Variants in SETD9 observed in about 807,000 individuals in gnomAD.
The protein encoded by SETD9 is SET domain containing 9, also known as SET domain-containing protein 9.
SETD9 carries 37 observed loss-of-function variants against 36.4 expected under a neutral mutation model. That is an observed-to-expected ratio of 1.02 (90% CI 0.78 to 1.34). The LOEUF is 1.34. SETD9 is among the 40% of genes most tolerant of loss of function. The pLI is 0.00. For synonymous variants in SETD9, 128 were observed against 132.9 expected, an observed-to-expected ratio of 0.96 and a Z score of 0.26; for missense variants, 323 against 353.2, an observed-to-expected ratio of 0.91 and a Z score of 0.69.
At chr5:56,919,615 A>G (rs1369507349), downstream of SETD9, 1 of 152,634 alleles carries the variant, frequency 6.6e-6, no homozygotes, top group Non-Finnish European at 1.5e-5. Context: ...AGATTCCCAG[A>G]TTTTTATTTC....
intron 1 of SETD9, chr5:56,910,484 G>C (rs1579806033): frequency 9.1e-7 from 1 of 1,100,650 alleles, no homozygotes; most frequent in Non-Finnish European, 1.2e-6. Context: ...CCTGAAGTCA[G>C]TGTCCGACAA....
downstream of SETD9, chr5:56,928,713 T>C (rs1579840840): frequency 7.2e-6 from 9 of 1,251,760 alleles, no homozygotes; most frequent in East Asian, 2.1e-4. Flanking sequence ...TATAAATTAG[T>C]TGCTTACATT....
At chr5:56,910,065 G>T in intron 1 of SETD9, 1 of 1,278,988 alleles carries the variant, frequency 7.8e-7, no homozygotes, top group Non-Finnish European at 1.0e-6. Context: ...GGCCCGCGAG[G>T]CCGAGCTCGC....
chr5:56,913,243 G>T, intron 3 of SETD9, 109 bp downstream of exon 3: 1 of 1,299,202 alleles, frequency 7.7e-7, no homozygotes, highest in Non-Finnish European at 1.0e-6. Context: ...ATAAAGAGAT[G>T]GGGTCTTGCT....
intron 1 of SETD9, chr5:56,910,513 T>G: frequency 1.9e-5 from 16 of 847,600 alleles, no homozygotes; most frequent in Non-Finnish European, 2.3e-5. Flanking sequence ...ACAAAGCGGT[T>G]TCCGGAAGGT....
intron 5 of SETD9, chr5:56,923,799 CT>C: frequency 6.2e-7 from 1 of 1,614,198 alleles, no homozygotes; most frequent in East Asian, 2.2e-5. Flanking sequence ...CCACCCAAAG[CT>C]TCTGTTTCAT....
chr5:56,910,779 G>A (rs76710449), intron 1 of SETD9: 157 of 179,592 alleles, frequency 8.7e-4, no homozygotes, highest in African/African-American at 3.6e-3. Flanking sequence ...TTCTCATTGT[G>A]ATGACATTCA....
At position 56,912,358 on chromosome 5, in the gene SETD9, G is replaced by A. The variant is rs965534826; in HGVS notation, c.467-653G>A. On this transcript the variant is annotated intron_variant, in intron 2 of 5. Transcript: ENST00000285947. Reference sequence around the variant, plus strand: ...TATTATTTGGTATAGTGGAAAGTGTGTGTGTGAATATTTGAGTCAGATAGA... The same window carrying A: ...TATTATTTGGTATAGTGGAAAGTGTATGTGTGAATATTTGAGTCAGATAGA... The A allele has an allele frequency of 3.4e-5, 20 of 586,776 alleles. No homozygotes were observed. The African/African-American group carries it at 3.6e-4, about 11-fold the overall frequency. 36.3% of individuals were successfully genotyped at this position (586,776 alleles called of 1,614,324 possible).
chr5:56,910,093 T>G, intron 1 of SETD9: 1 of 1,244,400 alleles, frequency 8.0e-7, no homozygotes, highest in African/African-American at 1.6e-5. Flanking sequence ...ATGTGTCGCC[T>G]GTTCTTCCCT....
chr5:56,927,341 A>G (rs1750042819), downstream of SETD9, among the ~76,000 whole-genome samples: 1 of 152,246 alleles, frequency 6.6e-6, no homozygotes, highest in African/African-American at 2.4e-5. Flanking sequence ...ATAGGAGTGG[A>G]AGGGACATAA....
At chr5:56,916,576 T>C (rs1256453601) in intron 5 of SETD9, among the ~76,000 whole-genome samples, 2 of 152,246 alleles carry the variant, frequency 1.3e-5, no homozygotes, top group Admixed American at 1.3e-4. Flanking sequence ...GAAACAATGT[T>C]TTCAGAAGAA....
chr5:56,910,464 A>G, intron 1 of SETD9: 1 of 1,196,324 alleles, frequency 8.4e-7, no homozygotes. Flanking sequence ...AAAGAGGCCG[A>G]CCGGGCCTCC....
chr5:56,917,299 T>A lies in SETD9; in HGVS notation c.*397T>A, dbSNP rs1004475663. On this transcript the variant is annotated 3_prime_UTR_variant, in exon 6 of 6. Coordinates refer to ENST00000285947, the MANE Select transcript of SETD9 (RefSeq NM_153706.4). Reference sequence around the variant, plus strand: ...TGTGTACAAACTTCTGTAAAAACTTTATTTTTACAGAATTGAGTAAAAAAT... The same window carrying A: ...TGTGTACAAACTTCTGTAAAAACTTAATTTTTACAGAATTGAGTAAAAAAT... The A allele has an allele frequency of 2.0e-6, 2 of 989,950 alleles. No homozygotes were observed. Among genetic ancestry groups the A allele is most frequent in the Non-Finnish European group, 2.4e-6 (2 of 833,216 alleles). 61.3% of individuals were successfully genotyped at this position (989,950 alleles called of 1,614,324 possible). A position where few individuals can be genotyped will look rare whatever the true frequency, so the allele number is the denominator to read the frequency against.
At chr5:56,913,313 C>G (rs994360083) in intron 3 of SETD9, among the ~76,000 whole-genome samples, 179 bp downstream of exon 3, 2 of 152,130 alleles carry the variant, frequency 1.3e-5, no homozygotes, top group Non-Finnish European at 2.9e-5. Flanking sequence ...CTCGGCCTTC[C>G]AAAGTGCTGG....
chr5:56,919,001 T>TAATA (rs1469949296), downstream of SETD9, among the ~76,000 whole-genome samples: 2 of 152,208 alleles, frequency 1.3e-5, no homozygotes, highest in African/African-American at 4.8e-5. Flanking sequence ...TGTCAAATAA[T>TAATA]AATAATATTT....
chr5:56,921,560 CAAG>C (rs1579826093), downstream of SETD9: 1 of 152,530 alleles, frequency 6.6e-6, no homozygotes, highest in Non-Finnish European at 1.5e-5. Context: ...CAAAGAAAAA[CAAG>C]AATACACATC....
intron 3 of SETD9, 143 bp from the exon 4 acceptor site, chr5:56,913,731 C>T (rs1304098032): frequency 1.0e-5 from 6 of 579,254 alleles, no homozygotes; most frequent in Non-Finnish European, 1.5e-5. Context: ...TGCTGTGTAA[C>T]AACTCAGTTG....
chr5:56,915,421 A>G (rs193141732), intron 5 of SETD9, among the ~76,000 whole-genome samples: 1 of 152,364 alleles, frequency 6.6e-6, no homozygotes, highest in Admixed American at 6.5e-5. Flanking sequence ...GACTGTATTC[A>G]GAAGACACAT....
chr5:56,928,533 T>C (rs1750113943), downstream of SETD9: 3 of 317,612 alleles, frequency 9.4e-6, no homozygotes, highest in Non-Finnish European at 1.7e-5. Context: ...AAAAATACAG[T>C]GAGTCCACTT....
Sources: allele counts gnomAD v4.1 joint callset (sites outside exome capture counted in the v4.1 genomes callset), GRCh38; gene constraint gnomAD v4.1.1; transcripts MANE v1.5; gene names NCBI Gene and HGNC (gene_info 2026-07-23, HGNC 2026-07-21).